Variants in GBP6 observed in about 807,000 individuals in gnomAD.
The protein encoded by GBP6 is guanylate-binding protein 6.
A neutral mutation model predicts 61.5 loss-of-function variants in GBP6; 54 were observed. That is an observed-to-expected ratio of 0.88 (90% CI 0.71 to 1.10). The LOEUF (loss-of-function observed/expected upper bound fraction) is 1.10. GBP6 is among the 50% of genes least tolerant of loss of function. The pLI, the probability that GBP6 is intolerant of heterozygous loss-of-function variation, is 0.00. For missense variants in GBP6, 748 were observed against 752.8 expected (o/e 0.99, Z 0.07); for synonymous variants, 255 against 273.7 (o/e 0.93, Z 0.67).
At chr1:89,367,000 G>A (rs975357909) in intron 1 of GBP6, among the ~76,000 whole-genome samples, 11 of 152,070 alleles carry the variant, frequency 7.2e-5, no homozygotes, top group African/African-American at 2.7e-4. Context: ...ACATTTTTAT[G>A]GCTGAATAAT....
intron 1 of GBP6, among the ~76,000 whole-genome samples, chr1:89,365,329 G>C (rs1652441318): frequency 6.6e-6 from 1 of 152,214 alleles, no homozygotes; most frequent in African/African-American, 2.4e-5. Context: ...CATCTTCCTA[G>C]AGCTGCCTTT....
At chr1:89,379,690 T>A (rs979348595) in intron 5 of GBP6, among the ~76,000 whole-genome samples, 4 of 152,246 alleles carry the variant, frequency 2.6e-5, no homozygotes, top group Non-Finnish European at 5.9e-5. Flanking sequence ...TAAAACCTTA[T>A]GAGAAATATC....
At chr1:89,383,514 G>T in intron 8 of GBP6, 138 bp from the exon 9 acceptor site, 2 of 632,468 alleles carry the variant, frequency 3.2e-6, no homozygotes, top group Non-Finnish European at 5.6e-6. Flanking sequence ...ACCCTAAAGA[G>T]CCCGCACACT....
rs758923564 is a variant in GBP6, at chr1:89,384,167, C to T, written c.1543C>T (p.Gln515Ter). The T allele has an allele frequency of 6.2e-7, 1 of 1,614,042 alleles. No individual in the cohort carries two copies. Among genetic ancestry groups the T allele is most frequent in the Non-Finnish European group, 8.5e-7 (1 of 1,179,926 alleles). ...LKQKLQEQQQQMEAQDKSRKE... is the reference protein window; with the variant it reads ...LKQKLQEQQQ ...ACAGAAATTACAGGAGCAGCAGCAACAGATGGAGGCTCAAGATAAGAGTCG... is the reference window on the plus strand; with the variant it reads ...ACAGAAATTACAGGAGCAGCAGCAATAGATGGAGGCTCAAGATAAGAGTCG... Residue 515 changes from glutamine (Q) to a stop codon, truncating the protein, a stop_gained, in exon 10 of 11, where the codon CAG becomes TAG. Transcript: ENST00000370456. LOFTEE classifies it high-confidence loss of function.
intron 3 of GBP6, among the ~76,000 whole-genome samples, chr1:89,377,857 A>G (rs545432205): frequency 3.3e-5 from 5 of 152,196 alleles, no homozygotes; most frequent in Non-Finnish European, 7.3e-5. Flanking sequence ...TAGTTTTTCC[A>G]TATATGCATC....
rs1404364480 is a variant in GBP6, at chr1:89,381,807, A to G, written c.985A>G (p.Arg329Gly). ...GCGTGAGAACTCAGCGGCCGTGCAG[A>G]GGGCAGCTGACTACTACAGCCAGCA... Reference protein sequence around the residue: ...AQRENSAAVQRAADYYSQQMA... With the variant: ...AQRENSAAVQGAADYYSQQMA... The change falls in exon 7 of 11, where the codon AGG (arginine) becomes GGG (glycine). Residue 329 changes from arginine (R) to glycine (G), a missense_variant. By Grantham distance (125) the Arg-to-Gly change is moderately radical. Coordinates refer to ENST00000370456, the MANE Select transcript of GBP6 (RefSeq NM_198460.3). The G allele has an allele frequency of 1.9e-6, 3 of 1,613,970 alleles. No homozygotes were observed. The highest frequency in any genetic ancestry group is 1.7e-6 in the Non-Finnish European group (2 of 1,179,976).
chr1:89,378,096 T>A lies in GBP6; in HGVS notation c.319-7T>A, dbSNP rs367981002. ...TCCTAAGTCCTTTGCTCTAATGTGC[T>A]TTTTAGGGTGACCCTAAGAATGACT... On this transcript the variant is annotated splice_region_variant and splice_polypyrimidine_tract_variant and intron_variant, in intron 3 of 10. Coordinates refer to ENST00000370456, the MANE Select transcript of GBP6 (RefSeq NM_198460.3). The A allele has an allele frequency of 1.1e-5, 17 of 1,610,636 alleles. No homozygotes were observed. In the African/African-American group the frequency reaches 1.9e-4, roughly 18 times the overall value.
At chr1:89,367,056 T>C (rs565101963) in intron 1 of GBP6, among the ~76,000 whole-genome samples, 3 of 152,330 alleles carry the variant, frequency 2.0e-5, no homozygotes, top group Admixed American at 6.5e-5. Flanking sequence ...TATTCATCTG[T>C]TTAGAGTCAT....
intron 3 of GBP6, among the ~76,000 whole-genome samples, chr1:89,370,768 A>T (rs1330585413): frequency 1.3e-5 from 2 of 152,220 alleles, no homozygotes; most frequent in African/African-American, 4.8e-5. Context: ...CAATCCAGCC[A>T]ATAATATAGC....
At chr1:89,365,513 C>A (rs1025885180) in intron 1 of GBP6, among the ~76,000 whole-genome samples, 1 of 152,168 alleles carries the variant, frequency 6.6e-6, no homozygotes, top group South Asian at 2.1e-4. Context: ...ACAGCAACAG[C>A]GTGCTTGAAC....
At chr1:89,375,259 TG>T (rs1291021843) in intron 3 of GBP6, among the ~76,000 whole-genome samples, 1 of 152,004 alleles carries the variant, frequency 6.6e-6, no homozygotes, top group Non-Finnish European at 1.5e-5. Context: ...AACAATCATA[TG>T]AAAAAAAAGC....
intron 3 of GBP6, among the ~76,000 whole-genome samples, chr1:89,374,467 C>A (rs1452392333): frequency 6.6e-6 from 1 of 152,074 alleles, no homozygotes; most frequent in Non-Finnish European, 1.5e-5. Flanking sequence ...ATTGTTGGAT[C>A]ACATGGTAGT....
chr1:89,383,487 G>C (rs935448444), intron 8 of GBP6, among the ~76,000 whole-genome samples, 165 bp from the exon 9 acceptor site: 1 of 152,184 alleles, frequency 6.6e-6, no homozygotes, highest in African/African-American at 2.4e-5. Context: ...AGCAGGAATT[G>C]AGGAGGGGCT....
intron 2 of GBP6, among the ~76,000 whole-genome samples, chr1:89,369,288 A>G (rs945683933): frequency 6.6e-6 from 1 of 152,182 alleles, no homozygotes; most frequent in African/African-American, 2.4e-5. Context: ...TGTTCCTGTT[A>G]TCAGTGACCT....
chr1:89,364,316 G>A (rs1652398620), intron 1 of GBP6, among the ~76,000 whole-genome samples, 189 bp downstream of exon 1: 1 of 152,216 alleles, frequency 6.6e-6, no homozygotes, highest in Non-Finnish European at 1.5e-5. Context: ...CGGGCACGCC[G>A]CGTCCCCCTG....
In GBP6 at chr1:89,369,602, G is replaced by A. The variant is rs112244423; in HGVS notation, c.247G>A (p.Val83Met). 9.2e-4 allele frequency: 1,477 copies of A among 1,614,058 alleles called. 24 individuals carry two copies. The South Asian group carries it at 0.015, about 17-fold the overall frequency. The change falls in exon 3 of 11, where the codon GTG becomes ATG. Residue 83 changes from valine (V) to methionine (M), a missense_variant. Physicochemically the swap from Val to Met is conservative, Grantham distance 21 (BLOSUM62 1). Transcript: ENST00000370456. ...SETKGIWMWC[V>M]PHPSKPNHTL... is the part of the protein sequence containing the mutation. ...AACCAAGGGCATCTGGATGTGGTGC[G>A]TGCCCCACCCATCCAAGCCAAACCA...
Position 89,382,657 on chromosome 1 carries a change from C to T in GBP6, c.1153-7C>T, listed in dbSNP as rs1218485649. 2.5e-6 allele frequency: 4 copies of T among 1,611,738 alleles called. No homozygotes were observed. Among genetic ancestry groups the T allele is most frequent in the Admixed American group, 1.7e-5 (1 of 59,990 alleles). ...TCTGGTGACATCTCTCTACATTTCC[C>T]TTGCAGGAAACCACAATGAATAAGA... On this transcript the variant is annotated splice_region_variant and splice_polypyrimidine_tract_variant and intron_variant, in intron 7 of 10. Transcript: ENST00000370456.
rs931756804 is a variant in GBP6, at chr1:89,387,000, A to G, written c.*1531A>G. Reference sequence around the variant, plus strand: ...AGCCATAGGGTTAAATGGGATGGGGAGAAAACAATCAAGTGAAGTAAATGC... The same window carrying G: ...AGCCATAGGGTTAAATGGGATGGGGGGAAAACAATCAAGTGAAGTAAATGC... On this transcript the variant is annotated 3_prime_UTR_variant, in exon 11 of 11. Coordinates refer to ENST00000370456, the MANE Select transcript of GBP6 (RefSeq NM_198460.3). Among the ~76,000 whole-genome samples, 2 of 152,300 alleles carry G rather than the reference A, an allele frequency of 1.3e-5. No individual in the cohort carries two copies. The highest frequency in any genetic ancestry group is 2.4e-5 in the African/African-American group (1 of 41,572).
intron 1 of GBP6, among the ~76,000 whole-genome samples, chr1:89,365,178 T>C (rs1652436826): frequency 6.6e-6 from 1 of 152,208 alleles, no homozygotes; most frequent in South Asian, 2.1e-4. Flanking sequence ...GTGATTCTTA[T>C]GTACATCAGA....
Sources: gnomAD v4.1 joint callset for allele counts (sites outside exome capture counted in the v4.1 genomes callset) on GRCh38, gnomAD v4.1.1 for gene constraint, MANE v1.5 for transcripts, NCBI Gene and HGNC (gene_info 2026-07-23, HGNC 2026-07-21) for gene names.